PCDHGA3: variants seen among roughly 807,000 people sequenced by gnomAD.
The protein encoded by PCDHGA3 is protocadherin gamma-A3.
A neutral mutation model predicts 58.5 loss-of-function variants in PCDHGA3; 40 were observed. The observed-to-expected ratio is 0.68, with a 90% CI of 0.53 to 0.89. PCDHGA3 has a LOEUF of 0.89. Among genes scored for constraint, PCDHGA3 ranks in the 40% least tolerant of loss-of-function variants. The probability of loss-of-function intolerance (pLI) is 0.00; values close to 1 mark genes in which losing one functional copy is unlikely to be tolerated. For missense variants in PCDHGA3, 1,223 were observed against 1,195.9 expected (o/e 1.02, Z -0.33); for synonymous variants, 530 against 525.7 (o/e 1.01, Z -0.11).
chr5:141,344,237 C>G lies in PCDHGA3; in HGVS notation c.204C>G (p.Ser68=). 6.2e-7 allele frequency: 1 copy of G among 1,614,036 alleles called. No homozygotes were observed. The highest frequency in any genetic ancestry group is 1.3e-5 in the African/African-American group (1 of 75,062). The change falls in exon 1 of 4, where the codon TCC becomes TCG. Residue 68 remains serine, a synonymous_variant. Transcript: ENST00000253812. ...ELAERGVRIV[S]RGRTQLFSLN... ...CGGAGCGCGGAGTCCGCATCGTCTC[C>G]AGAGGTAGGACGCAGCTTTTCTCTC...
chr5:141,371,914 T>C (rs1768185765), intron 1 of PCDHGA3: 1 of 1,613,262 alleles, frequency 6.2e-7, no homozygotes, highest in Admixed American at 1.7e-5. Context: ...TACGTGTCCG[T>C]GAGCGCGCGG....
chr5:141,449,756 T>C (rs2098654563), intron 1 of PCDHGA3, among the ~76,000 whole-genome samples: 1 of 151,728 alleles, frequency 6.6e-6, no homozygotes, highest in South Asian at 2.1e-4. Flanking sequence ...TTTATGACAT[T>C]TGAGAGTAAG....
intron 1 of PCDHGA3, chr5:141,375,794 G>T (rs754100940): frequency 6.2e-7 from 1 of 1,614,170 alleles, no homozygotes; most frequent in Non-Finnish European, 8.5e-7. Context: ...CCCCACAGAC[G>T]GTTCCACTGG....
intron 1 of PCDHGA3, chr5:141,375,974 G>T: frequency 6.2e-7 from 1 of 1,613,354 alleles, no homozygotes; most frequent in Non-Finnish European, 8.5e-7. Context: ...CACGGCGCGC[G>T]CCCTGCTGGA....
chr5:141,355,461 G>C (rs769145045), intron 1 of PCDHGA3: 12 of 1,613,950 alleles, frequency 7.4e-6, no homozygotes, highest in Middle Eastern at 1.6e-4. Context: ...TGGTCACCGC[G>C]GGTAGGATAG....
At chr5:141,498,881 T>C (rs9686648) in intron 2 of PCDHGA3, among the ~76,000 whole-genome samples, 77,838 of 149,554 alleles carry the variant, frequency 0.52, 20,828 homozygotes, top group African/African-American at 0.65. Flanking sequence ...TGCAGTGAGC[T>C]GAGATCACAC....
At chr5:141,418,908 C>T (rs1037628215) in intron 1 of PCDHGA3, 1 of 1,613,814 alleles carries the variant, frequency 6.2e-7, no homozygotes, top group Non-Finnish European at 8.5e-7. Context: ...ATAATCATCA[C>T]GTCACTCTCT....
intron 1 of PCDHGA3, chr5:141,371,172 T>G: frequency 6.2e-7 from 1 of 1,614,016 alleles, no homozygotes; most frequent in Non-Finnish European, 8.5e-7. Flanking sequence ...CGCTGGCTCC[T>G]CCGTATTAAA....
chr5:141,412,459 A>C (rs1267719740), intron 1 of PCDHGA3: 1 of 152,232 alleles, frequency 6.6e-6, no homozygotes, highest in Non-Finnish European at 1.5e-5. Flanking sequence ...AAACTATTCT[A>C]GAAGAGTACT....
rs1218261413 is a variant in PCDHGA3 at position 141,370,605 on chromosome 5, G to A, written c.2424+24148G>A. 2.5e-6 allele frequency: 4 copies of A among 1,613,858 alleles called. No individual in the cohort carries two copies. The African/African-American group carries it at 4.0e-5, about 16-fold the overall frequency. On this transcript the variant is annotated intron_variant, in intron 1 of 3. Coordinates refer to ENST00000253812, the MANE Select transcript of PCDHGA3 (RefSeq NM_018916.4). ...TACTAGGAACCTGCGGGTTATTGCA[G>A]AGAAGAAATTCTTTACCGTGAGCCC...
chr5:141,376,688 T>G (rs959333255), intron 1 of PCDHGA3: 5 of 824,852 alleles, frequency 6.1e-6, no homozygotes, highest in Non-Finnish European at 9.0e-6. Context: ...TTTTTTTTTT[T>G]TTTTTTTTTG....
intron 1 of PCDHGA3, chr5:141,361,712 G>A (rs1306730531): frequency 1.9e-6 from 3 of 1,613,282 alleles, no homozygotes; most frequent in Non-Finnish European, 2.5e-6. Context: ...GAGCAGCTGC[G>A]CGCCTTCGAG....
intron 1 of PCDHGA3, among the ~76,000 whole-genome samples, chr5:141,445,814 T>C (rs1554133709): frequency 6.6e-6 from 1 of 152,182 alleles, no homozygotes; most frequent in Non-Finnish European, 1.5e-5. Context: ...TAGATGAAAC[T>C]AATAAGGCAG....
chr5:141,494,736 T>A, intron 1 of PCDHGA3, 71 bp from the exon 2 acceptor site: 2 of 1,611,858 alleles, frequency 1.2e-6, no homozygotes, highest in Non-Finnish European at 1.7e-6. Flanking sequence ...TCCCGGCCCA[T>A]CCCTAGGGGC....
chr5:141,450,071 A>G (rs1039802551), intron 1 of PCDHGA3, among the ~76,000 whole-genome samples: 3 of 139,286 alleles, frequency 2.2e-5, no homozygotes, highest in Non-Finnish European at 3.0e-5. Flanking sequence ...CAGTGGTATG[A>G]TCTTGGCTCA....
In PCDHGA3 at chr5:141,418,980, A is replaced by G; in HGVS notation, c.2424+72523A>G. 1 of 1,614,004 alleles carries G rather than the reference A, an allele frequency of 6.2e-7. No individual in the cohort carries two copies. ...GTTGCCCTCTTCAAAACACGGGACC[A>G]AGACTCAGGGGAAAATGGGGAAGTC... On this transcript the variant is annotated intron_variant, in intron 1 of 3. Transcript: ENST00000253812.
chr5:141,364,955 G>A (rs267600453), intron 1 of PCDHGA3: 10 of 1,613,790 alleles, frequency 6.2e-6, no homozygotes, highest in South Asian at 5.5e-5. Flanking sequence ...GACTGTTCAC[G>A]ACCTCCTCCT....
At chr5:141,508,535 C>CA (rs1426956469) in intron 3 of PCDHGA3, among the ~76,000 whole-genome samples, 1 of 152,172 alleles carries the variant, frequency 6.6e-6, no homozygotes, top group Admixed American at 6.5e-5. Flanking sequence ...GGGCACCCCC[C>CA]ACGAGGTGGG....
intron 1 of PCDHGA3, chr5:141,405,031 CGTT>C: frequency 6.2e-7 from 1 of 1,613,968 alleles, no homozygotes; most frequent in Admixed American, 1.7e-5. Flanking sequence ...CCCTCTACCT[CGTT>C]GTGGCTGTGG....
Sources: gnomAD v4.1 joint callset for allele counts (sites outside exome capture counted in the v4.1 genomes callset) on GRCh38, gnomAD v4.1.1 for gene constraint, MANE v1.5 for transcripts, NCBI Gene and HGNC (gene_info 2026-07-23, HGNC 2026-07-21) for gene names.